Variants in CDK6 observed in about 807,000 individuals in gnomAD.
CDK6 encodes the protein cyclin dependent kinase 6, also known as cyclin-dependent kinase 6.
CDK6 carries 6 observed loss-of-function variants against 37.1 expected under a neutral mutation model. That is an observed-to-expected ratio of 0.16 (90% confidence interval 0.09 to 0.32). The LOEUF (loss-of-function observed/expected upper bound fraction) is 0.32, where lower values mean the gene tolerates loss of function less well. Among genes scored for constraint, CDK6 ranks in the 10% least tolerant of loss-of-function variants. The pLI is 1.00. For missense variants in CDK6, 224 were observed against 418.9 expected, an observed-to-expected ratio of 0.53 and a Z score of 4.06; for synonymous variants, 160 against 161.3, an observed-to-expected ratio of 0.99 and a Z score of 0.06.
At chr7:92,722,378 G>C (rs529348818) in intron 4 of CDK6, among the ~76,000 whole-genome samples, 5 of 152,288 alleles carry the variant, frequency 3.3e-5, no homozygotes, top group African/African-American at 1.2e-4. Flanking sequence ...TTCAGGACAG[G>C]AAGTTCAATT....
At chr7:92,724,160 A>T (rs975659203) in intron 4 of CDK6, among the ~76,000 whole-genome samples, 3 of 152,106 alleles carry the variant, frequency 2.0e-5, no homozygotes, top group Admixed American at 6.6e-5. Context: ...TCCTAGGGAA[A>T]CTCAAAGCCT....
intron 3 of CDK6, among the ~76,000 whole-genome samples, chr7:92,751,020 T>C (rs1188127189): frequency 6.6e-6 from 1 of 152,198 alleles, no homozygotes; most frequent in Non-Finnish European, 1.5e-5. Context: ...ATAAAAGTTA[T>C]GACTTGGGAG....
intron 4 of CDK6, among the ~76,000 whole-genome samples, chr7:92,715,032 C>T (rs1401793564): frequency 2.6e-5 from 4 of 152,200 alleles, no homozygotes; most frequent in Non-Finnish European, 5.9e-5. Flanking sequence ...TCACTGAAAT[C>T]ATCCAGCGTT....
chr7:92,728,812 A>G lies in CDK6; in HGVS notation c.370-3019T>C, dbSNP rs151126772. 2.9e-3 allele frequency among the ~76,000 whole-genome samples: 437 copies of G among 152,224 alleles called. 6 individuals are homozygous for G. The highest frequency in any genetic ancestry group is 9.9e-3 in the African/African-American group (412 of 41,534). On this transcript the variant is annotated intron_variant, in intron 3 of 7. Coordinates refer to ENST00000424848, the MANE Select transcript of CDK6 (RefSeq NM_001145306.2). ...CTTTTCTTTTAAATCTCCAATATCT[A>G]GACACAATTGGAATTCTGAACCAAT...
At chr7:92,702,422 G>A (rs952439847) in intron 4 of CDK6, among the ~76,000 whole-genome samples, 5 of 151,490 alleles carry the variant, frequency 3.3e-5, no homozygotes, top group African/African-American at 9.7e-5. Flanking sequence ...TGGTAAAGAC[G>A]GGATTTCGCC....
At chr7:92,729,097 C>T (rs1798582091) in intron 3 of CDK6, among the ~76,000 whole-genome samples, 1 of 152,094 alleles carries the variant, frequency 6.6e-6, no homozygotes, top group Non-Finnish European at 1.5e-5. Flanking sequence ...AAATAAATTA[C>T]AACATTAAAT....
intron 5 of CDK6, among the ~76,000 whole-genome samples, chr7:92,633,008 A>G (rs1015756087): frequency 7.2e-6 from 1 of 139,012 alleles, no homozygotes; most frequent in African/African-American, 2.8e-5. Context: ...AGTCTTGACT[A>G]TAGTCCTTAG....
intron 4 of CDK6, among the ~76,000 whole-genome samples, chr7:92,692,542 G>T (rs1383966590): frequency 6.6e-6 from 1 of 152,192 alleles, no homozygotes; most frequent in Non-Finnish European, 1.5e-5. Context: ...CCAGCACTTT[G>T]GGAGGCCGAG....
intron 2 of CDK6, among the ~76,000 whole-genome samples, chr7:92,780,815 A>C (rs919412307): frequency 2.0e-4 from 30 of 151,698 alleles, no homozygotes; most frequent in Admixed American, 3.9e-4. Flanking sequence ...AACAAAAAAA[A>C]CCAAAAAAAC....
At chr7:92,753,395 G>A (rs976004646) in intron 3 of CDK6, among the ~76,000 whole-genome samples, 8 of 151,466 alleles carry the variant, frequency 5.3e-5, no homozygotes, top group Admixed American at 3.9e-4. Flanking sequence ...TATAAATACC[G>A]AATGAGGCAA....
At chr7:92,666,386 A>T (rs1796957307) in intron 5 of CDK6, among the ~76,000 whole-genome samples, 1 of 152,216 alleles carries the variant, frequency 6.6e-6, no homozygotes, top group Non-Finnish European at 1.5e-5. Flanking sequence ...CCATAAGTTA[A>T]TTGTGGACTG....
At chr7:92,646,540 G>C (rs1796455538) in intron 5 of CDK6, among the ~76,000 whole-genome samples, 1 of 151,910 alleles carries the variant, frequency 6.6e-6, no homozygotes, top group Non-Finnish European at 1.5e-5. Context: ...TGGGATTACA[G>C]GTGCCTGCCA....
intron 4 of CDK6, among the ~76,000 whole-genome samples, chr7:92,711,455 G>A (rs545932249): frequency 6.7e-6 from 1 of 148,254 alleles, no homozygotes; most frequent in East Asian, 2.0e-4. Context: ...AAATATAAAA[G>A]TTCATTTAAC....
At chr7:92,794,925 TC>T (rs1334615280) in intron 2 of CDK6, among the ~76,000 whole-genome samples, 2 of 152,236 alleles carry the variant, frequency 1.3e-5, no homozygotes, top group East Asian at 3.9e-4. Flanking sequence ...ATAAAACGAT[TC>T]TGAAGATAAT....
At chr7:92,647,993 T>C (rs147463423) in intron 5 of CDK6, among the ~76,000 whole-genome samples, 1 of 152,300 alleles carries the variant, frequency 6.6e-6, no homozygotes, top group African/African-American at 2.4e-5. Context: ...CTCTTAAACA[T>C]GATAATAGCT....
chr7:92,615,535 C>A (rs941189506), intron 7 of CDK6, among the ~76,000 whole-genome samples: 16 of 152,176 alleles, frequency 1.1e-4, no homozygotes, highest in African/African-American at 3.6e-4. Context: ...TCTCACTAAG[C>A]CATTAAAGTA....
At position 92,669,713 on chromosome 7, in the gene CDK6, A is replaced by G. The variant is rs1797033513; in HGVS notation, c.647+1713T>C. Among the ~76,000 whole-genome samples the G allele has an allele frequency of 3.3e-5, 5 of 152,262 alleles. No homozygotes were observed. In the South Asian group the frequency reaches 1.0e-3, roughly 31 times the overall value. On this transcript the variant is annotated intron_variant, in intron 5 of 7. Transcript: ENST00000424848. The stretch of plus-strand genomic sequence containing the variant: ...AGAATCGCTGAAGGTACTTTTAAAA[A>G]TAAGAATTCCTGGCCCCAGCCCAGT...
chr7:92,719,909 AG>A (rs1404444956), intron 4 of CDK6, among the ~76,000 whole-genome samples: 13 of 152,296 alleles, frequency 8.5e-5, no homozygotes, highest in Non-Finnish European at 1.9e-4. Flanking sequence ...TGGTCCTTAC[AG>A]TATTCCCATG....
chr7:92,810,046 CAAAT>C (rs2115936249), intron 2 of CDK6, among the ~76,000 whole-genome samples: 1 of 152,314 alleles, frequency 6.6e-6, no homozygotes, highest in East Asian at 1.9e-4. Context: ...TGAACCCTAA[CAAAT>C]AACACTACTT....
Sources: allele counts gnomAD v4.1 joint callset (sites outside exome capture counted in the v4.1 genomes callset), GRCh38; gene constraint gnomAD v4.1.1; transcripts MANE v1.5; gene names NCBI Gene and HGNC (gene_info 2026-07-23, HGNC 2026-07-21).